CNTNAP5: variants seen among roughly 807,000 people sequenced by gnomAD.
The protein encoded by CNTNAP5 is contactin associated protein family member 5, also known as contactin-associated protein-like 5.
CNTNAP5 carries 72 observed loss-of-function variants against 150.2 expected under a neutral mutation model. That is an observed-to-expected ratio of 0.48 (90% CI 0.40 to 0.58). The LOEUF is 0.58. Among genes scored for constraint, CNTNAP5 ranks in the 20% least tolerant of loss-of-function variants. The pLI is 0.00. For missense variants in CNTNAP5, 1,636 were observed against 1,626.2 expected, an observed-to-expected ratio of 1.01 and a Z score of -0.10; for synonymous variants, 672 against 619.8, an observed-to-expected ratio of 1.08 and a Z score of -1.25.
intron 1 of CNTNAP5, among the ~76,000 whole-genome samples, chr2:124,197,849 C>T (rs1685626232): frequency 1.3e-5 from 2 of 151,712 alleles, no homozygotes; most frequent in South Asian, 2.1e-4. Context: ...GGAGTGGTGG[C>T]GGGTGCCTGT....
At chr2:124,908,829 G>A (rs887064529) in intron 22 of CNTNAP5, among the ~76,000 whole-genome samples, 2 of 151,342 alleles carry the variant, frequency 1.3e-5, no homozygotes, top group Non-Finnish European at 2.9e-5. Context: ...TTAGTTTTCA[G>A]GAAAAAAGTT....
intron 11 of CNTNAP5, among the ~76,000 whole-genome samples, chr2:124,604,011 C>T (rs1408408550): frequency 1.3e-5 from 2 of 152,130 alleles, no homozygotes; most frequent in Non-Finnish European, 2.9e-5. Flanking sequence ...CACTTTCATT[C>T]TGTACTTTTC....
intron 1 of CNTNAP5, among the ~76,000 whole-genome samples, chr2:124,085,288 G>GT (rs1171621281): frequency 1.3e-5 from 2 of 151,974 alleles, no homozygotes; most frequent in Non-Finnish European, 2.9e-5. Flanking sequence ...GTGATATTTT[G>GT]TATTTCTTTA....
intron 1 of CNTNAP5, among the ~76,000 whole-genome samples, chr2:124,073,164 A>T (rs2104666567): frequency 6.6e-6 from 1 of 152,146 alleles, no homozygotes; most frequent in South Asian, 2.1e-4. Context: ...ACATGCAGAA[A>T]AGTGAAACTA....
At chr2:124,391,060 A>G (rs746128674) in intron 3 of CNTNAP5, among the ~76,000 whole-genome samples, 1 of 152,230 alleles carries the variant, frequency 6.6e-6, no homozygotes. Flanking sequence ...CTGCTTCTGC[A>G]TATTAACTAA....
At chr2:124,316,773 C>A (rs1688971118) in intron 3 of CNTNAP5, among the ~76,000 whole-genome samples, 1 of 136,668 alleles carries the variant, frequency 7.3e-6, no homozygotes, top group East Asian at 2.1e-4. Context: ...CCACTGCACT[C>A]CAGCCTGGGT....
At chr2:124,675,653 T>C (rs1678924439) in intron 13 of CNTNAP5, among the ~76,000 whole-genome samples, 1 of 152,148 alleles carries the variant, frequency 6.6e-6, no homozygotes, top group Non-Finnish European at 1.5e-5. Context: ...TTTCCTCCAT[T>C]CTATATTCAT....
chr2:124,389,756 A>G (rs1691063503), intron 3 of CNTNAP5, among the ~76,000 whole-genome samples: 1 of 152,138 alleles, frequency 6.6e-6, no homozygotes, highest in South Asian at 2.1e-4. Flanking sequence ...GCTTTAGGCT[A>G]GAAGATTGAG....
intron 10 of CNTNAP5, among the ~76,000 whole-genome samples, chr2:124,531,605 A>G (rs1695111065): frequency 6.6e-6 from 1 of 152,116 alleles, no homozygotes; most frequent in African/African-American, 2.4e-5. Context: ...AGGCACTAAT[A>G]TCCCCACCTT....
chr2:124,420,899 T>C (rs1692087342), intron 4 of CNTNAP5, among the ~76,000 whole-genome samples: 2 of 152,216 alleles, frequency 1.3e-5, no homozygotes, highest in Non-Finnish European at 2.9e-5. Flanking sequence ...CTCTGACTAA[T>C]ACAGAATGTT....
chr2:124,202,313 G>A (rs1488401161), intron 1 of CNTNAP5, among the ~76,000 whole-genome samples: 1 of 152,158 alleles, frequency 6.6e-6, no homozygotes, highest in Admixed American at 6.5e-5. Context: ...CAAGGAAAAT[G>A]AATTGTGGGA....
chr2:124,485,767 C>T (rs1459294477), intron 7 of CNTNAP5, among the ~76,000 whole-genome samples: 4 of 152,032 alleles, frequency 2.6e-5, no homozygotes, highest in Admixed American at 6.6e-5. Context: ...CATGCAGATT[C>T]CCTGGGACTC....
intron 22 of CNTNAP5, among the ~76,000 whole-genome samples, chr2:124,904,382 AGAGTTT>A (rs1678485329): frequency 1.3e-5 from 2 of 152,106 alleles, no homozygotes; most frequent in Non-Finnish European, 2.9e-5. Context: ...GCATTAACAG[AGAGTTT>A]GTTTCCATAT....
chr2:124,184,563 G>A (rs1423866307), intron 1 of CNTNAP5, among the ~76,000 whole-genome samples: 1 of 152,182 alleles, frequency 6.6e-6, no homozygotes, highest in Non-Finnish European at 1.5e-5. Flanking sequence ...ACCTTACTCT[G>A]ATAGCAGTGT....
chr2:124,488,436 A>G lies in CNTNAP5; in HGVS notation c.1062+13554A>G, dbSNP rs368548312. ...GTAACATTAAAGTAACTTCCCCAAG[A>G]TACGTAACTAGCATGTGATAGAATC... On this transcript the variant is annotated intron_variant, in intron 7 of 23. Transcript: ENST00000682447. Among the ~76,000 whole-genome samples the G allele has an allele frequency of 2.6e-5, 4 of 152,300 alleles. No homozygotes were observed. In the East Asian group the frequency reaches 7.7e-4, roughly 29 times the overall value.
At chr2:124,706,774 AAGAAGAAGAAGAAGAAGAAGAAGGAGG>A (rs1372793420) in intron 13 of CNTNAP5, among the ~76,000 whole-genome samples, 8 of 54,294 alleles carry the variant, frequency 1.5e-4, no homozygotes, top group East Asian at 4.2e-4. Context: ...GAAGAAGAAG[AAGAAGAAGAAGAAGAAGAAGAAGGAGG>A]AGGAGGAGGA....
chr2:124,337,266 A>G (rs1689496225), intron 3 of CNTNAP5, among the ~76,000 whole-genome samples: 3 of 152,194 alleles, frequency 2.0e-5, no homozygotes, highest in East Asian at 1.9e-4. Context: ...TAGATTCTAG[A>G]TATTAGCCCT....
chr2:124,261,684 C>G, intron 3 of CNTNAP5, among the ~76,000 whole-genome samples: 1 of 152,150 alleles, frequency 6.6e-6, no homozygotes, highest in East Asian at 1.9e-4. Flanking sequence ...CCAGGCCATT[C>G]TGTACTCAGG....
chr2:124,413,821 T>G (rs1210786737), intron 3 of CNTNAP5, among the ~76,000 whole-genome samples: 3 of 137,670 alleles, frequency 2.2e-5, no homozygotes, highest in Non-Finnish European at 4.6e-5. Flanking sequence ...GCATGGCACA[T>G]GTATACATAT....
Sources: gnomAD v4.1 joint callset for allele counts (sites outside exome capture counted in the v4.1 genomes callset) on GRCh38, gnomAD v4.1.1 for gene constraint, MANE v1.5 for transcripts, NCBI Gene and HGNC (gene_info 2026-07-23, HGNC 2026-07-21) for gene names.